The following PRKD1 variants were observed in gnomAD, a reference collection of about 807,000 sequenced individuals.
The protein encoded by PRKD1 is serine/threonine-protein kinase D1.
PRKD1 carries 63 observed loss-of-function variants against 95.9 expected under a neutral mutation model. That is an observed-to-expected ratio of 0.66 (90% CI 0.54 to 0.81). PRKD1 has a LOEUF of 0.81. PRKD1 is among the 30% of genes least tolerant of loss of function. The probability of loss-of-function intolerance (pLI) is 0.00; values close to 1 mark genes in which losing one functional copy is unlikely to be tolerated. For missense variants in PRKD1, 1,048 were observed against 1,165.3 expected (o/e 0.90, Z 1.47); for synonymous variants, 425 against 423.1 (o/e 1.00, Z -0.05).
intron 1 of PRKD1, among the ~76,000 whole-genome samples, chr14:29,825,364 C>T (rs142868234): frequency 3.3e-5 from 5 of 152,110 alleles, no homozygotes; most frequent in South Asian, 4.2e-4. Flanking sequence ...GACTTTAAGA[C>T]GTAGTCACTG....
chr14:29,713,066 T>C (rs1241113927), intron 2 of PRKD1, among the ~76,000 whole-genome samples: 1 of 152,092 alleles, frequency 6.6e-6, no homozygotes, highest in African/African-American at 2.4e-5. Context: ...GGGTATGAAG[T>C]ATTCTGCCTT....
intron 1 of PRKD1, among the ~76,000 whole-genome samples, chr14:29,746,171 G>A (rs964034035): frequency 6.8e-6 from 1 of 148,092 alleles, no homozygotes; most frequent in African/African-American, 2.4e-5. Flanking sequence ...TCTCATTTTT[G>A]GTGCCACTGT....
chr14:29,728,306 T>C (rs1886265669), intron 1 of PRKD1, among the ~76,000 whole-genome samples: 1 of 152,188 alleles, frequency 6.6e-6, no homozygotes, highest in Admixed American at 6.5e-5. Context: ...ATAAATTACA[T>C]GAAATAAATT....
intron 2 of PRKD1, among the ~76,000 whole-genome samples, chr14:29,721,782 GGTGGGGTAGGGAACTTTCATGCAGTT>G (rs913035290): frequency 4.6e-5 from 7 of 152,154 alleles, no homozygotes; most frequent in Non-Finnish European, 8.8e-5. Context: ...AGTGGGGATA[GGTGGGGTAGGGAACTTTCATGCAGTT>G]GTTATTTTTT....
At chr14:29,737,896 A>C (rs1886803810) in intron 1 of PRKD1, among the ~76,000 whole-genome samples, 2 of 152,350 alleles carry the variant, frequency 1.3e-5, no homozygotes, top group South Asian at 4.1e-4. Context: ...TTTTTAAAAA[A>C]TCATCTAACA....
intron 1 of PRKD1, among the ~76,000 whole-genome samples, chr14:29,726,844 A>C (rs1487069013): frequency 6.6e-6 from 1 of 151,942 alleles, no homozygotes; most frequent in Non-Finnish European, 1.5e-5. Context: ...TGCTAACTAA[A>C]AGAAAAAAAA....
chr14:29,668,748 C>CT (rs1882670274), intron 2 of PRKD1, among the ~76,000 whole-genome samples: 4 of 152,070 alleles, frequency 2.6e-5, no homozygotes, highest in Admixed American at 2.6e-4. Flanking sequence ...ATTTTCAGTA[C>CT]TTTTTTAAAA....
intron 1 of PRKD1, among the ~76,000 whole-genome samples, chr14:29,820,862 C>T (rs1247827942): frequency 6.6e-6 from 1 of 152,178 alleles, no homozygotes; most frequent in Admixed American, 6.5e-5. Context: ...ATTGAGACAA[C>T]ATCAACAAGG....
At chr14:29,596,532 C>T (rs1893311773) in intron 16 of PRKD1, among the ~76,000 whole-genome samples, 1 of 152,158 alleles carries the variant, frequency 6.6e-6, no homozygotes, top group Admixed American at 6.5e-5. Context: ...CAGCTCATTG[C>T]AACCTGCACC....
intron 1 of PRKD1, among the ~76,000 whole-genome samples, chr14:29,877,055 G>T (rs950433500): frequency 6.6e-6 from 1 of 152,212 alleles, no homozygotes; most frequent in African/African-American, 2.4e-5. Context: ...GCGAGGCTTA[G>T]GCAGGAGAAT....
At chr14:29,631,381 A>G (rs567103939) in intron 9 of PRKD1, among the ~76,000 whole-genome samples, 2 of 152,354 alleles carry the variant, frequency 1.3e-5, no homozygotes, top group African/African-American at 4.8e-5. Flanking sequence ...GCATTTAGGC[A>G]GACATGGCTA....
chr14:29,673,489 A>G (rs1175460364), intron 2 of PRKD1, among the ~76,000 whole-genome samples: 1 of 152,202 alleles, frequency 6.6e-6, no homozygotes, highest in East Asian at 1.9e-4. Context: ...CCCACCTGCA[A>G]AAGACTGCCC....
chr14:29,626,962 C>T (rs1178810834), intron 11 of PRKD1, among the ~76,000 whole-genome samples: 1 of 152,068 alleles, frequency 6.6e-6, no homozygotes, highest in Non-Finnish European at 1.5e-5. Context: ...ATCCGCCTGC[C>T]TTGGCCTCCC....
chr14:29,821,857 T>A (rs1244306325), intron 1 of PRKD1, among the ~76,000 whole-genome samples: 2 of 152,090 alleles, frequency 1.3e-5, no homozygotes, highest in Admixed American at 1.3e-4. Flanking sequence ...TGAGACCATG[T>A]GTGCCTGCAC....
intron 1 of PRKD1, among the ~76,000 whole-genome samples, chr14:29,756,310 T>C (rs924880194): frequency 2.0e-5 from 3 of 152,198 alleles, no homozygotes; most frequent in Non-Finnish European, 4.4e-5. Context: ...AAAGTCTGTT[T>C]GAAGTGTTCT....
chr14:29,890,107 A>G (rs1206121829), intron 1 of PRKD1, among the ~76,000 whole-genome samples: 1 of 152,192 alleles, frequency 6.6e-6, no homozygotes, highest in Non-Finnish European at 1.5e-5. Context: ...CTACATTTTA[A>G]TAGTGTTTTA....
At chr14:29,760,595 C>A (rs183117284) in intron 1 of PRKD1, among the ~76,000 whole-genome samples, 12 of 151,834 alleles carry the variant, frequency 7.9e-5, no homozygotes, top group Middle Eastern at 3.4e-3. Flanking sequence ...CCTCTTGATC[C>A]GCCTGCCTCG....
chr14:29,705,233 T>C (rs7140901), intron 2 of PRKD1, among the ~76,000 whole-genome samples: 78,773 of 151,868 alleles, frequency 0.52, 22,955 homozygotes, highest in African/African-American at 0.8. Flanking sequence ...TCTTGACATT[T>C]TTATCCTTAT....
intron 1 of PRKD1, among the ~76,000 whole-genome samples, chr14:29,817,963 T>A (rs1890758680): frequency 6.6e-6 from 1 of 152,228 alleles, no homozygotes; most frequent in Non-Finnish European, 1.5e-5. Flanking sequence ...AAGGAAATGC[T>A]ATTTTCAAGT....
Sources: allele counts gnomAD v4.1 joint callset (sites outside exome capture counted in the v4.1 genomes callset), GRCh38; gene constraint gnomAD v4.1.1; transcripts MANE v1.5; gene names NCBI Gene and HGNC (gene_info 2026-07-23, HGNC 2026-07-21).